The following CALN1 variants were observed in gnomAD, a reference collection of about 807,000 sequenced individuals.
CALN1 encodes calneuron 1.
CALN1 carries 17 observed loss-of-function variants against 30.6 expected under a neutral mutation model. That is an observed-to-expected ratio of 0.56 (90% CI 0.38 to 0.83). The LOEUF is 0.83. CALN1 is among the 40% of genes least tolerant of loss of function. The pLI is 0.00. For synonymous variants in CALN1, 156 were observed against 131.4 expected, an observed-to-expected ratio of 1.19 and a Z score of -1.28; for missense variants, 291 against 354.9, an observed-to-expected ratio of 0.82 and a Z score of 1.45.
rs1190799242 is a variant in CALN1, at chr7:72,338,527, G to GTGTGTGTGTGTGTGTGTGTC, written c.120-59718_120-59717insGACACACACACACACACACA. On this transcript the variant is annotated intron_variant, in intron 2 of 6. Transcript: ENST00000395275. The stretch of plus-strand genomic sequence containing the variant: ...TGTGTGTGTGTGTGTGTGTGTGTGT[G>GTGTGTGTGTGTGTGTGTGTC]TCTCACCTGGGTGTGGTTTCAGAGT... Among the ~76,000 whole-genome samples, 62 of 144,570 alleles carry GTGTGTGTGTGTGTGTGTGTC rather than the reference G, an allele frequency of 4.3e-4. 2 individuals are homozygous for GTGTGTGTGTGTGTGTGTGTC. Among genetic ancestry groups the GTGTGTGTGTGTGTGTGTGTC allele is most frequent in the Middle Eastern group, 3.6e-3 (1 of 280 alleles). The allele number at this position is 144,570 out of a possible 152,430, so 94.8% of individuals were successfully genotyped here.
intron 1 of CALN1, among the ~76,000 whole-genome samples, chr7:72,436,224 G>A (rs548071720): frequency 1.3e-5 from 2 of 152,296 alleles, no homozygotes; most frequent in East Asian, 1.9e-4. Context: ...TAATCCCCAC[G>A]TGTCCTGGGA....
At chr7:72,436,984 T>G (rs1808180558) in intron 1 of CALN1, among the ~76,000 whole-genome samples, 1 of 151,822 alleles carries the variant, frequency 6.6e-6, no homozygotes, top group Admixed American at 6.6e-5. Flanking sequence ...CAGGGAGGCT[T>G]GAGCTGCTTG....
intron 3 of CALN1, among the ~76,000 whole-genome samples, chr7:72,115,995 G>A (rs951685271): frequency 1.3e-5 from 2 of 152,010 alleles, no homozygotes; most frequent in Admixed American, 6.6e-5. Context: ...CAAATGACAG[G>A]ATCTCATTCA....
At chr7:72,033,470 G>T (rs1489831173) in intron 4 of CALN1, among the ~76,000 whole-genome samples, 1 of 151,802 alleles carries the variant, frequency 6.6e-6, no homozygotes, top group South Asian at 2.1e-4. Flanking sequence ...GCAGAATGAA[G>T]GGAGTGCTAT....
rs967219624 is a variant in CALN1 at position 71,787,342 on chromosome 7, A to G, written c.*433T>C. ...GTCAGCCTCTTGGAACTGAGGGTTG[A>G]CCTCAGCAGAGAGTCTCCTGTTGAC... On this transcript the variant is annotated 3_prime_UTR_variant, in exon 7 of 7. Coordinates refer to ENST00000395275, the MANE Select transcript of CALN1 (RefSeq NM_031468.4). 6.1e-6 allele frequency: 1 copy of G among 163,360 alleles called. No individual in the cohort carries two copies. Among genetic ancestry groups the G allele is most frequent in the African/African-American group, 2.4e-5 (1 of 42,004 alleles). 10.1% of individuals were successfully genotyped at this position (163,360 alleles called of 1,614,324 possible).
chr7:72,403,113 T>C (rs1806451351), intron 2 of CALN1, 138 bp downstream of exon 2: 2 of 614,348 alleles, frequency 3.3e-6, no homozygotes, highest in Non-Finnish European at 5.6e-6. Flanking sequence ...AGGACAGCTC[T>C]CCCAGGTGTC....
intron 5 of CALN1, among the ~76,000 whole-genome samples, chr7:71,825,383 GT>G (rs1788851166): frequency 6.6e-6 from 1 of 152,132 alleles, no homozygotes; most frequent in African/African-American, 2.4e-5. Context: ...TTTTATAAGG[GT>G]TTCCCCCTTT....
chr7:72,277,147 C>T, intron 3 of CALN1, among the ~76,000 whole-genome samples: 1 of 152,238 alleles, frequency 6.6e-6, no homozygotes, highest in Middle Eastern at 3.4e-3. Flanking sequence ...AAGTGGCCCT[C>T]CCCAGACATC....
At chr7:71,908,978 A>G (rs1425954153) in intron 5 of CALN1, among the ~76,000 whole-genome samples, 6 of 152,216 alleles carry the variant, frequency 3.9e-5, no homozygotes, top group African/African-American at 1.4e-4. Context: ...ATGTCTGGAA[A>G]TATAACCTTA....
At chr7:72,140,708 C>G (rs962689886) in intron 3 of CALN1, among the ~76,000 whole-genome samples, 2 of 152,196 alleles carry the variant, frequency 1.3e-5, no homozygotes, top group Non-Finnish European at 2.9e-5. Context: ...TGGTCCTGTA[C>G]CCAGATACTG....
At chr7:72,372,147 C>T (rs562238946) in intron 2 of CALN1, among the ~76,000 whole-genome samples, 4 of 152,110 alleles carry the variant, frequency 2.6e-5, no homozygotes, top group Non-Finnish European at 5.9e-5. Context: ...GTGAAAATCC[C>T]CTATGATTAT....
At chr7:71,998,678 T>C (rs1400670792) in intron 5 of CALN1, among the ~76,000 whole-genome samples, 1 of 151,776 alleles carries the variant, frequency 6.6e-6, no homozygotes, top group Non-Finnish European at 1.5e-5. Flanking sequence ...CAAGCAATTA[T>C]CATGCCTCAG....
intron 4 of CALN1, among the ~76,000 whole-genome samples, chr7:72,071,743 G>C (rs1031223153): frequency 2.6e-5 from 4 of 152,176 alleles, no homozygotes; most frequent in Admixed American, 2.0e-4. Flanking sequence ...AAACAGGAAA[G>C]TATGGTCCAT....
At chr7:72,503,053 G>A in the CALN1 span, among the ~76,000 whole-genome samples, 1 of 152,154 alleles carries the variant, frequency 6.6e-6, no homozygotes, top group African/African-American at 2.4e-5. Flanking sequence ...GGCTGAGGCA[G>A]GAGAATCGCT....
intron 2 of CALN1, among the ~76,000 whole-genome samples, chr7:72,301,005 T>A (rs1585410921): frequency 6.6e-6 from 1 of 151,716 alleles, no homozygotes; most frequent in East Asian, 2.0e-4. Flanking sequence ...AATAAATAAA[T>A]AAAAATGTAA....
intron 2 of CALN1, among the ~76,000 whole-genome samples, chr7:72,348,373 C>G (rs759432224): frequency 2.6e-5 from 4 of 152,152 alleles, no homozygotes; most frequent in Non-Finnish European, 5.9e-5. Context: ...GGAAGCCAAA[C>G]AGAACACAGG....
At chr7:71,960,932 T>G (rs994460889) in intron 5 of CALN1, among the ~76,000 whole-genome samples, 1 of 152,172 alleles carries the variant, frequency 6.6e-6, no homozygotes, top group East Asian at 1.9e-4. Context: ...TTCTCGTGCC[T>G]CAGCCTCCTG....
intron 5 of CALN1, among the ~76,000 whole-genome samples, chr7:71,886,491 G>A (rs1174150733): frequency 6.6e-6 from 1 of 152,192 alleles, no homozygotes; most frequent in African/African-American, 2.4e-5. Flanking sequence ...CAAGCCTTCC[G>A]GCTGGGCATG....
intron 4 of CALN1, among the ~76,000 whole-genome samples, chr7:72,036,211 T>C (rs1187382890): frequency 1.3e-5 from 2 of 152,262 alleles, no homozygotes; most frequent in African/African-American, 4.8e-5. Flanking sequence ...AGAAACATGC[T>C]GACAATCTTA....
Sources: gnomAD v4.1 joint callset for allele counts (sites outside exome capture counted in the v4.1 genomes callset) on GRCh38, gnomAD v4.1.1 for gene constraint, MANE v1.5 for transcripts, NCBI Gene and HGNC (gene_info 2026-07-23, HGNC 2026-07-21) for gene names.